Variants in NTRK2 observed in about 807,000 individuals in gnomAD.
The protein encoded by NTRK2 is neurotrophic receptor tyrosine kinase 2, also known as BDNF/NT-3 growth factors receptor.
Under a neutral mutation model 94.5 loss-of-function variants are expected in NTRK2, and 13 were observed. The observed-to-expected ratio is 0.14, with a 90% CI of 0.09 to 0.22. The LOEUF (loss-of-function observed/expected upper bound fraction) is 0.22. NTRK2 is among the 10% of genes least tolerant of loss of function. The pLI is 1.00. For synonymous variants in NTRK2, 372 were observed against 407.4 expected (o/e 0.91, Z 1.05); for missense variants, 639 against 1,071.2 (o/e 0.60, Z 5.63).
At chr9:84,728,712 A>C (rs1015677400) in intron 9 of NTRK2, among the ~76,000 whole-genome samples, 2 of 152,036 alleles carry the variant, frequency 1.3e-5, no homozygotes, top group African/African-American at 4.8e-5. Context: ...CTGTTTTCCT[A>C]GGAGTGGTAA....
chr9:85,026,139 A>T lies in NTRK2; in HGVS notation c.*4702A>T, dbSNP rs58765380. 11,624 of 197,332 alleles carry T rather than the reference A, an allele frequency of 0.059. 498 individuals carry two copies. Among genetic ancestry groups the T allele is most frequent in the African/African-American group, 0.13 (5,692 of 42,880 alleles). The allele number at this position is 197,332 out of a possible 1,614,324, so 12.2% of individuals were successfully genotyped here. ...AAACACAAAGCAAAGCAAAAAAAAA[A>T]ATATATATATATATATCTGTATATG... On this transcript the variant is annotated 3_prime_UTR_variant, in exon 19 of 19. Coordinates refer to ENST00000277120, the MANE Select transcript of NTRK2 (RefSeq NM_006180.6).
intron 17 of NTRK2, chr9:84,955,744 T>C (rs560557485): frequency 1.6e-6 from 1 of 633,348 alleles, no homozygotes; most frequent in African/African-American, 1.8e-5. Context: ...GCCTTCTCAC[T>C]ATGCCCTCAC....
At chr9:84,761,942 T>C (rs2065610230) in intron 12 of NTRK2, among the ~76,000 whole-genome samples, 1 of 152,188 alleles carries the variant, frequency 6.6e-6, no homozygotes, top group Admixed American at 6.5e-5. Context: ...GAAAGGGACC[T>C]GATGGGAGGC....
At chr9:84,739,200 A>G (rs915963133) in intron 9 of NTRK2, among the ~76,000 whole-genome samples, 16 of 152,080 alleles carry the variant, frequency 1.1e-4, no homozygotes, top group African/African-American at 3.6e-4. Flanking sequence ...ACAGGCATGC[A>G]CCACCATGCC....
At chr9:84,744,006 T>C (rs1322878367) in intron 10 of NTRK2, among the ~76,000 whole-genome samples, 1 of 152,182 alleles carries the variant, frequency 6.6e-6, no homozygotes, top group African/African-American at 2.4e-5. Context: ...AGCATGATGA[T>C]TCTACCTGGA....
Position 84,948,534 on chromosome 9 carries a change from C to T in NTRK2, c.1837C>T (p.His613Tyr), listed in dbSNP as rs1205052587. 1.2e-6 allele frequency: 2 copies of T among 1,614,138 alleles called. No homozygotes were observed. ...REAELLTNLQ[H>Y]EHIVKFYGVC... Reference sequence around the variant, plus strand: ...GGCCGAGCTCCTGACCAACCTCCAGCATGAGCACATCGTCAAGTTCTATGG... The same window carrying T: ...GGCCGAGCTCCTGACCAACCTCCAGTATGAGCACATCGTCAAGTTCTATGG... The change falls in exon 16 of 19, where the codon CAT (histidine) becomes TAT (tyrosine). Residue 613 changes from histidine to tyrosine, a missense_variant. Around this residue, in one of 5 missense-constraint regions of NTRK2, gnomAD observed 343 missense variants for 571.5 expected, o/e 0.60. Transcript: ENST00000277120.
chr9:84,692,399 C>A (rs2060099964), intron 2 of NTRK2, among the ~76,000 whole-genome samples: 1 of 150,726 alleles, frequency 6.6e-6, no homozygotes, highest in African/African-American at 2.4e-5. Flanking sequence ...AAGACATTGT[C>A]AATTTTTAAT....
chr9:84,967,586 G>T (rs1228391064), intron 17 of NTRK2, among the ~76,000 whole-genome samples: 1 of 152,270 alleles, frequency 6.6e-6, no homozygotes, highest in Non-Finnish European at 1.5e-5. Flanking sequence ...CCTTACGACA[G>T]CACCAGCCTT....
chr9:84,724,558 C>T (rs937490851), intron 8 of NTRK2, among the ~76,000 whole-genome samples: 1 of 152,102 alleles, frequency 6.6e-6, no homozygotes, highest in African/African-American at 2.4e-5. Context: ...CATGTTTTTT[C>T]TTTTAAGCTT....
chr9:84,788,795 C>G (rs946279720), intron 12 of NTRK2, among the ~76,000 whole-genome samples: 3 of 152,038 alleles, frequency 2.0e-5, no homozygotes, highest in Non-Finnish European at 4.4e-5. Flanking sequence ...CTCAGCTTTG[C>G]GAGCTACCTT....
At chr9:84,846,133 T>A (rs1034357924) in intron 12 of NTRK2, among the ~76,000 whole-genome samples, 11 of 152,280 alleles carry the variant, frequency 7.2e-5, no homozygotes, top group African/African-American at 2.6e-4. Context: ...ACTTCCAAAT[T>A]TGACAATGCT....
chr9:84,775,463 T>G (rs34184820), intron 12 of NTRK2, among the ~76,000 whole-genome samples: 7,398 of 152,264 alleles, frequency 0.049, 230 homozygotes, highest in African/African-American at 0.071. Context: ...CCATAAAGAT[T>G]GTAATTTGCC....
At chr9:84,966,537 G>C (rs952816691) in intron 17 of NTRK2, among the ~76,000 whole-genome samples, 3 of 152,024 alleles carry the variant, frequency 2.0e-5, no homozygotes, top group African/African-American at 7.2e-5. Flanking sequence ...GTTCAAGTGA[G>C]TCTCCTGCCT....
intron 12 of NTRK2, among the ~76,000 whole-genome samples, chr9:84,847,144 C>G (rs1427566816): frequency 6.6e-6 from 1 of 152,182 alleles, no homozygotes; most frequent in African/African-American, 2.4e-5. Flanking sequence ...AATCCCAAAG[C>G]CTTTTATCCT....
At chr9:84,839,867 G>A (rs2074074667) in intron 12 of NTRK2, among the ~76,000 whole-genome samples, 1 of 152,194 alleles carries the variant, frequency 6.6e-6, no homozygotes, top group African/African-American at 2.4e-5. Flanking sequence ...TAGAGGTACG[G>A]ATGAAGGACT....
rs77194213 is a variant in NTRK2, at chr9:84,680,919, G to A, written c.212+9959G>A. On this transcript the variant is annotated intron_variant, in intron 2 of 18. Transcript: ENST00000277120. Reference sequence around the variant, plus strand: ...CTTCTTGAAACATCCTTTTCCTTTGGCCTTGGTGTCACCACACTTTTCTTG... The same window carrying A: ...CTTCTTGAAACATCCTTTTCCTTTGACCTTGGTGTCACCACACTTTTCTTG... Among the ~76,000 whole-genome samples, 77 of 152,058 alleles carry A rather than the reference G, an allele frequency of 5.1e-4. No individual in the cohort carries two copies. In the East Asian group the frequency reaches 0.011, roughly 22 times the overall value.
intron 12 of NTRK2, among the ~76,000 whole-genome samples, chr9:84,759,882 C>A (rs1588421556): frequency 6.6e-6 from 1 of 152,248 alleles, no homozygotes; most frequent in East Asian, 1.9e-4. Flanking sequence ...AAAAGCTTTT[C>A]AGAATTTATG....
chr9:84,805,759 G>T (rs762716226), intron 12 of NTRK2, among the ~76,000 whole-genome samples: 4 of 152,196 alleles, frequency 2.6e-5, no homozygotes, highest in Non-Finnish European at 4.4e-5. Context: ...GAATAGATGG[G>T]TTCATTCATG....
chr9:84,812,094 T>C (rs2133574829), intron 12 of NTRK2: 1 of 1,059,954 alleles, frequency 9.4e-7, no homozygotes, highest in South Asian at 4.6e-5. Flanking sequence ...AATGCTGCAA[T>C]TTAGCTTTAA....
Sources: allele counts gnomAD v4.1 joint callset (sites outside exome capture counted in the v4.1 genomes callset), GRCh38; gene constraint gnomAD v4.1.1; regional missense constraint gnomAD v4.1.1; transcripts MANE v1.5; gene names NCBI Gene and HGNC (gene_info 2026-07-23, HGNC 2026-07-21).